KCNU1: variants seen among roughly 807,000 people sequenced by gnomAD.
KCNU1 encodes potassium channel subfamily U member 1.
In KCNU1, 93 loss-of-function variants were observed where a neutral mutation model predicts 126.8. The observed-to-expected ratio is 0.73, with a 90% confidence interval of 0.62 to 0.87. The LOEUF (loss-of-function observed/expected upper bound fraction) is 0.87. KCNU1 is among the 40% of genes least tolerant of loss of function. The probability of loss-of-function intolerance (pLI) is 0.00; values close to 1 mark genes in which losing one functional copy is unlikely to be tolerated. For missense variants in KCNU1, 1,330 were observed against 1,367.1 expected, an observed-to-expected ratio of 0.97 and a Z score of 0.43; for synonymous variants, 523 against 494.2, an observed-to-expected ratio of 1.06 and a Z score of -0.77.
intron 1 of KCNU1, 38 bp downstream of exon 1, chr8:36,784,643 A>C: frequency 6.7e-7 from 1 of 1,495,312 alleles, no homozygotes; most frequent in South Asian, 1.2e-5. Flanking sequence ...GTGTGAAGTC[A>C]GAGATGAGTT....
intron 23 of KCNU1, among the ~76,000 whole-genome samples, chr8:36,921,740 G>T (rs920780058): frequency 4.6e-5 from 7 of 151,856 alleles, no homozygotes; most frequent in Non-Finnish European, 1.0e-4. Context: ...AGTGACCAGC[G>T]GTATTCACCT....
rs779969132 is a variant in KCNU1 at position 36,935,932 on chromosome 8, T to G, written c.*12T>G. 6.5e-7 allele frequency: 1 copy of G among 1,538,392 alleles called. No homozygotes were observed. Among genetic ancestry groups the G allele is most frequent in the Non-Finnish European group, 8.7e-7 (1 of 1,144,142 alleles). On this transcript the variant is annotated 3_prime_UTR_variant, in exon 27 of 27. Transcript: ENST00000399881. ...CAGAGCCACTATAGACCTGCCCATA[T>G]TCTTCACGTGCTCTTAACTTGCTGC...
chr8:36,883,782 C>A lies in KCNU1; in HGVS notation c.2009+19261C>A, dbSNP rs532859889. ...CTCCAGCCTGGATTGCAGAGCCAGA[C>A]CCTGTCTCAAAAAAAAGACTTCTGC... On this transcript the variant is annotated intron_variant, in intron 19 of 26. Coordinates refer to ENST00000399881, the MANE Select transcript of KCNU1 (RefSeq NM_001031836.3). Among the ~76,000 whole-genome samples, 8 of 152,170 alleles carry A rather than the reference C, an allele frequency of 5.3e-5. No homozygotes were observed. In the East Asian group the frequency reaches 1.2e-3, roughly 22 times the overall value.
At chr8:36,828,733 T>C (rs575533958) in intron 10 of KCNU1, among the ~76,000 whole-genome samples, 10 of 152,244 alleles carry the variant, frequency 6.6e-5, no homozygotes, top group Non-Finnish European at 1.2e-4. Context: ...GGTGGACACA[T>C]GAAATAGTGT....
intron 7 of KCNU1, among the ~76,000 whole-genome samples, chr8:36,811,400 G>A (rs1012319374): frequency 6.6e-6 from 1 of 152,038 alleles, no homozygotes; most frequent in Non-Finnish European, 1.5e-5. Flanking sequence ...ATACAGGGGG[G>A]AACCAATGAG....
At chr8:36,793,268 G>A (rs966668868) in intron 2 of KCNU1, among the ~76,000 whole-genome samples, 1 of 151,520 alleles carries the variant, frequency 6.6e-6, no homozygotes, top group African/African-American at 2.4e-5. Flanking sequence ...ATGAGTTAAT[G>A]GGTACCACAC....
At chr8:36,888,513 A>T (rs1446695513) in intron 19 of KCNU1, 1 of 529,362 alleles carries the variant, frequency 1.9e-6, no homozygotes, top group East Asian at 5.5e-5. Context: ...AGCCACAATG[A>T]GATGTTCTCT....
intron 26 of KCNU1, among the ~76,000 whole-genome samples, chr8:36,935,158 A>G (rs999726392): frequency 2.0e-5 from 3 of 152,086 alleles, no homozygotes; most frequent in East Asian, 1.9e-4. Context: ...GAGTAAGGCC[A>G]TTAGACATCA....
At chr8:36,824,642 G>T (rs893463099) in intron 10 of KCNU1, among the ~76,000 whole-genome samples, 11 of 152,034 alleles carry the variant, frequency 7.2e-5, no homozygotes, top group African/African-American at 2.7e-4. Flanking sequence ...TTAGTTCCTA[G>T]AAATAACTAC....
At position 36,840,974 on chromosome 8, in the gene KCNU1, A is replaced by G. The variant is rs1563288589; in HGVS notation, c.1674A>G (p.Glu558=). The G allele has an allele frequency of 1.2e-6, 2 of 1,611,502 alleles. No individual in the cohort carries two copies. The highest frequency in any genetic ancestry group is 8.5e-7 in the Non-Finnish European group (1 of 1,178,772). ...TGCACCTCCTGTTGATAGCCATCGAATACAAGTCCCTCTTTACGGATGGTT... is the reference window on the plus strand; with the variant it reads ...TGCACCTCCTGTTGATAGCCATCGAGTACAAGTCCCTCTTTACGGATGGTT... The part of the protein sequence containing the change: ...LKMHLLLIAI[E]YKSLFTDGFC... The change falls in exon 16 of 27, where the codon GAA becomes GAG. Residue 558 remains glutamate (E), a synonymous_variant. Transcript: ENST00000399881.
At chr8:36,791,420 C>G (rs1173587128) in intron 2 of KCNU1, among the ~76,000 whole-genome samples, 1 of 152,136 alleles carries the variant, frequency 6.6e-6, no homozygotes, top group Non-Finnish European at 1.5e-5. Context: ...TAACATCATC[C>G]TAAGCACTAC....
Position 36,808,787 on chromosome 8 carries a change from T to C in KCNU1, c.726T>C (p.Ile242=). 6.2e-7 allele frequency: 1 copy of C among 1,609,348 alleles called. No homozygotes were observed. The highest frequency in any genetic ancestry group is 8.5e-7 in the Non-Finnish European group (1 of 1,176,810). Residue 242 remains isoleucine, a synonymous_variant, in exon 7 of 27, where the codon ATT becomes ATC. Transcript: ENST00000399881. Reference sequence around the variant, plus strand: ...CCTGGTTCACAGCTGCGGGATTCATTCACCTGGTAAGCATCTCATCACAAT... The same window carrying C: ...CCTGGTTCACAGCTGCGGGATTCATCCACCTGGTAAGCATCTCATCACAAT... The part of the protein sequence containing the change: ...LSTWFTAAGF[I]HLVENSGDPW...
Position 36,836,362 on chromosome 8 carries a change from CA to C in KCNU1, c.1364del (p.Lys455ArgfsTer24). The C allele has an allele frequency of 1.9e-6, 3 of 1,582,780 alleles. No homozygotes were observed. Among genetic ancestry groups the C allele is most frequent in the Non-Finnish European group, 2.6e-6 (3 of 1,153,038 alleles). On this transcript the variant is annotated frameshift_variant and splice_region_variant, in exon 13 of 27. Transcript: ENST00000399881. LOFTEE classifies it high-confidence loss of function. ...IIIQILQSHN[K>X]VYLPKIPSWN... ...TCATACAGATACTGCAATCCCATAA[CA>C]AGGTATAGTAACATTCTAGCATATT...
chr8:36,832,058 A>G (rs1804571215), intron 10 of KCNU1, among the ~76,000 whole-genome samples: 1 of 152,228 alleles, frequency 6.6e-6, no homozygotes. Flanking sequence ...TTTGTCAAAG[A>G]TCAGATAGTT....
Position 36,931,107 on chromosome 8 carries a change from C to T in KCNU1, c.2893C>T (p.Leu965Phe). The T allele has an allele frequency of 6.2e-7, 1 of 1,611,148 alleles. No individual in the cohort carries two copies. Among genetic ancestry groups the T allele is most frequent in the Non-Finnish European group, 8.5e-7 (1 of 1,178,480 alleles). The change falls in exon 25 of 27, where the codon CTT becomes TTT. Residue 965 changes from leucine to phenylalanine, a missense_variant. Transcript: ENST00000399881. Reference sequence around the variant, plus strand: ...TGGAAGAAACCGGTGTAAGCTGGGGCTTCTGTCCTTACACGAAACCATTTT... The same window carrying T: ...TGGAAGAAACCGGTGTAAGCTGGGGTTTCTGTCCTTACACGAAACCATTTT... ...LSGRNRCKLG[L>F]LSLHETILSD... is the part of the protein sequence containing the mutation.
rs181737704 is a variant in KCNU1 at position 36,839,135 on chromosome 8, A to G, written c.1519-1328A>G. Among the ~76,000 whole-genome samples, 694 of 152,330 alleles carry G rather than the reference A, an allele frequency of 4.6e-3. 6 individuals carry two copies. Among genetic ancestry groups the G allele is most frequent in the Admixed American group, 0.01 (156 of 15,302 alleles). ...ACTCAGATTAAAAGGCCTTGAGTCA[A>G]TGCCATGTGTTTTAATTATATTGAT... is the stretch of plus-strand genomic sequence containing the variant. On this transcript the variant is annotated intron_variant, in intron 14 of 26. Transcript: ENST00000399881.
rs1470977179 is a variant in KCNU1 at position 36,935,624 on chromosome 8, T to C, written c.3154T>C (p.Leu1052=). The change falls in exon 27 of 27, where the codon TTG becomes CTG. Residue 1052 remains leucine, a synonymous_variant. Transcript: ENST00000399881. ...ACYKRNEEFS[L]QKSYEIVNKA... ...TTATAAAAGGAATGAAGAGTTCTCA[T>C]TGCAAAAGTCATATGAAATTGTAAA... 5.0e-6 allele frequency: 8 copies of C among 1,613,448 alleles called. No homozygotes were observed. Among genetic ancestry groups the C allele is most frequent in the South Asian group, 1.1e-5 (1 of 91,070 alleles).
chr8:36,833,402 C>A (rs1021591222), intron 10 of KCNU1, among the ~76,000 whole-genome samples, 152 bp from the exon 11 acceptor site: 1 of 152,038 alleles, frequency 6.6e-6, no homozygotes, highest in Admixed American at 6.6e-5. Context: ...TTAGTAATTA[C>A]ATTTTTTAAA....
chr8:36,815,489 A>G (rs1213059196), intron 8 of KCNU1, 107 bp from the exon 9 acceptor site: 1 of 566,842 alleles, frequency 1.8e-6, no homozygotes, highest in African/African-American at 1.9e-5. Flanking sequence ...GTGCTCTTAG[A>G]TGACAGAAAG....
Sources: gnomAD v4.1 joint callset for allele counts (sites outside exome capture counted in the v4.1 genomes callset) on GRCh38, gnomAD v4.1.1 for gene constraint, MANE v1.5 for transcripts, NCBI Gene and HGNC (gene_info 2026-07-23, HGNC 2026-07-21) for gene names.